The following MACF1 variants were observed in gnomAD, a reference collection of about 807,000 sequenced individuals.
The protein encoded by MACF1 is microtubule actin crosslinking factor 1.
MACF1 carries 193 observed loss-of-function variants against 854.8 expected under a neutral mutation model. The observed-to-expected ratio is 0.23, with a 90% CI of 0.20 to 0.25. The LOEUF is 0.25. Ranked by LOEUF, MACF1 falls within the 10% of genes least tolerant of loss-of-function variation. The probability of loss-of-function intolerance (pLI) is 1.00; values close to 1 mark genes in which losing one functional copy is unlikely to be tolerated. For synonymous variants in MACF1, 3,185 were observed against 3,226.7 expected (o/e 0.99, Z 0.44); for missense variants, 7,722 against 8,929.1 (o/e 0.86, Z 5.45).
rs1451649836 is a variant in MACF1 at position 39,380,330 on chromosome 1, C to T, written c.13605C>T (p.Asn4535=). Residue 4535 remains asparagine, a synonymous_variant, in exon 55 of 101, where the codon AAC becomes AAT. Coordinates refer to ENST00000564288, the MANE Select transcript of MACF1 (RefSeq NM_001394062.1). ...ALAGLLVTYP[N]SQEAENWKKI... ...CTGGATTACTGGTGACATATCCCAACTCACAGGAAGCAGAAAATTGGAAGA... is the reference window on the plus strand; with the variant it reads ...CTGGATTACTGGTGACATATCCCAATTCACAGGAAGCAGAAAATTGGAAGA... The T allele has an allele frequency of 6.2e-7, 1 of 1,613,348 alleles. No homozygotes were observed. The highest frequency in any genetic ancestry group is 1.3e-5 in the African/African-American group (1 of 74,870).
chr1:39,194,698 C>T (rs538392874), intron 2 of MACF1, among the ~76,000 whole-genome samples: 2 of 147,732 alleles, frequency 1.4e-5, no homozygotes, highest in South Asian at 2.3e-4. Context: ...CCTCCCCTCC[C>T]CTCCCTTCCC....
rs1287155044 is a variant in MACF1, at chr1:39,460,693, A to G, written c.21422A>G (p.Asn7141Ser). ...VWRKKYMRWM[N>S]HKKSRVMDFF... ...AGGAAAAAGTATATGCGTTGGATGAATCACAAAAAGTCTCGAGTGATGGAT... is the reference window on the plus strand; with the variant it reads ...AGGAAAAAGTATATGCGTTGGATGAGTCACAAAAAGTCTCGAGTGATGGAT... The change falls in exon 92 of 101, where the codon AAT becomes AGT. Residue 7141 changes from asparagine (N) to serine (S), a missense_variant. Asn to Ser is a conservative substitution (Grantham distance 46). Around this residue, in one of 15 missense-constraint regions of MACF1, gnomAD observed 153 missense variants for 342.5 expected, o/e 0.45. Transcript: ENST00000564288. The surrounding 1 kb of genome is among the most constrained non-coding windows in gnomAD (Gnocchi z 4.1). 1 of 1,614,108 alleles carries G rather than the reference A, an allele frequency of 6.2e-7. No individual in the cohort carries two copies. The highest frequency in any genetic ancestry group is 8.5e-7 in the Non-Finnish European group (1 of 1,180,036).
At chr1:39,311,252 G>A (rs1462186330) in intron 26 of MACF1, among the ~76,000 whole-genome samples, 1 of 152,200 alleles carries the variant, frequency 6.6e-6, no homozygotes, top group East Asian at 1.9e-4. Context: ...TTTCTAAGCA[G>A]TATATTTGGG....
chr1:39,415,525 A>AAT (rs1643264814), intron 58 of MACF1, among the ~76,000 whole-genome samples: 5 of 134,540 alleles, frequency 3.7e-5, no homozygotes, highest in Non-Finnish European at 6.5e-5. Flanking sequence ...TATATATATA[A>AAT]TTTTTTTTTT....
intron 2 of MACF1, among the ~76,000 whole-genome samples, chr1:39,087,457 G>A (rs1203522419): frequency 1.3e-5 from 2 of 152,198 alleles, no homozygotes; most frequent in African/African-American, 4.8e-5. Flanking sequence ...AGTCTACAAA[G>A]CCAAACAGGT....
intron 2 of MACF1, among the ~76,000 whole-genome samples, chr1:39,159,160 G>T (rs555557870): frequency 6.6e-6 from 1 of 152,380 alleles, no homozygotes; most frequent in South Asian, 2.1e-4. Context: ...CAATTAAACA[G>T]AAGGGATAGA....
intron 97 of MACF1, among the ~76,000 whole-genome samples, chr1:39,470,143 G>A (rs1046668669): frequency 6.6e-6 from 1 of 152,162 alleles, no homozygotes; most frequent in African/African-American, 2.4e-5. Flanking sequence ...TATAAACCTA[G>A]CAGAAATGTT....
At chr1:39,391,130 A>G (rs1199417945) in intron 58 of MACF1, among the ~76,000 whole-genome samples, 1 of 151,950 alleles carries the variant, frequency 6.6e-6, no homozygotes, top group Non-Finnish European at 1.5e-5. Context: ...AAAACACACA[A>G]AATAGTTTCA....
At chr1:39,135,835 C>T (rs576943427) in intron 2 of MACF1, among the ~76,000 whole-genome samples, 68 of 152,292 alleles carry the variant, frequency 4.5e-4, no homozygotes, top group Admixed American at 1.2e-3. Context: ...TTCTCTCCCT[C>T]TCTCCTTTGC....
intron 58 of MACF1, among the ~76,000 whole-genome samples, chr1:39,394,127 T>A (rs1642175307): frequency 6.6e-6 from 1 of 152,186 alleles, no homozygotes; most frequent in South Asian, 2.1e-4. Context: ...TCATTCCTAA[T>A]TCAGGTTGAG....
chr1:39,376,296 G>T (rs1030717399), intron 52 of MACF1, among the ~76,000 whole-genome samples: 12 of 152,142 alleles, frequency 7.9e-5, no homozygotes, highest in African/African-American at 2.9e-4. Flanking sequence ...CCTAAAGCAC[G>T]TTTTTAGGGT....
intron 23 of MACF1, among the ~76,000 whole-genome samples, chr1:39,308,087 G>A (rs1346572626): frequency 6.6e-6 from 1 of 151,136 alleles, no homozygotes; most frequent in African/African-American, 2.4e-5. Context: ...TATATTTTTA[G>A]TAGAGACGGG....
Position 39,331,752 on chromosome 1 carries a change from G to A in MACF1, c.5164G>A (p.Glu1722Lys), listed in dbSNP as rs747654377. 41 of 1,614,042 alleles carry A rather than the reference G, an allele frequency of 2.5e-5. No individual in the cohort carries two copies. Among genetic ancestry groups the A allele is most frequent in the African/African-American group, 2.3e-4 (17 of 74,912 alleles). Reference protein sequence around the residue: ...DLMQRCIVHQESGFKLLPVKQ... With the variant: ...DLMQRCIVHQKSGFKLLPVKQ... ...GATGCAGCGATGTATTGTCCACCAG[G>A]AATCAGGATTCAAATTACTGCCTGT... is the stretch of plus-strand genomic sequence containing the variant. Residue 1722 changes from glutamate (E) to lysine (K), a missense_variant, in exon 37 of 101, where the codon GAA becomes AAA. Physicochemically the swap from Glu to Lys is moderately conservative, Grantham distance 56. Coordinates refer to ENST00000564288, the MANE Select transcript of MACF1 (RefSeq NM_001394062.1).
chr1:39,400,830 C>T (rs969150244), intron 58 of MACF1, among the ~76,000 whole-genome samples: 64 of 152,182 alleles, frequency 4.2e-4, no homozygotes, highest in African/African-American at 1.3e-3. Flanking sequence ...TTAATAAGAA[C>T]AGTTACCCCT....
intron 49 of MACF1, among the ~76,000 whole-genome samples, chr1:39,367,329 A>G (rs760340373): frequency 2.4e-4 from 37 of 151,626 alleles, no homozygotes; most frequent in Non-Finnish European, 2.4e-4. Context: ...GTTTTCTCTT[A>G]ATTGCATTGG....
At chr1:39,120,087 T>A (rs937151414) in intron 2 of MACF1, among the ~76,000 whole-genome samples, 1 of 151,992 alleles carries the variant, frequency 6.6e-6, no homozygotes, top group African/African-American at 2.4e-5. Flanking sequence ...TTTCTCCATA[T>A]TGATGAGGCT....
chr1:39,436,699 A>G (rs1472805038), intron 70 of MACF1, among the ~76,000 whole-genome samples: 1 of 152,184 alleles, frequency 6.6e-6, no homozygotes, highest in African/African-American at 2.4e-5. Flanking sequence ...TTTCTATAGG[A>G]CACTTGAAAT....
upstream of MACF1, among the ~76,000 whole-genome samples, chr1:39,202,466 C>A (rs1644403049): frequency 6.6e-6 from 1 of 151,468 alleles, no homozygotes; most frequent in Admixed American, 6.6e-5. Flanking sequence ...GAAACCCCAT[C>A]TCTACTAAAA....
intron 44 of MACF1, among the ~76,000 whole-genome samples, chr1:39,356,187 T>C (rs191334053): frequency 9.2e-5 from 14 of 152,194 alleles, no homozygotes; most frequent in Admixed American, 7.2e-4. Flanking sequence ...TCATATTCCA[T>C]TGGAATAGAA....
Sources: gnomAD v4.1 joint callset for allele counts (sites outside exome capture counted in the v4.1 genomes callset) on GRCh38, gnomAD v4.1.1 for gene constraint, gnomAD v4.1.1 regional missense constraint, Gnocchi (gnomAD v3.1) non-coding constraint, MANE v1.5 for transcripts, NCBI Gene and HGNC (gene_info 2026-07-23, HGNC 2026-07-21) for gene names.